Variants in TRPC5 observed in about 807,000 individuals in gnomAD.
TRPC5 encodes the protein short transient receptor potential channel 5.
TRPC5 carries 9 observed loss-of-function variants against 56.5 expected under a neutral mutation model. The ratio of observed to expected loss-of-function variants is 0.16; its 90% CI spans 0.10 to 0.28. The LOEUF is 0.28. Among genes scored for constraint, TRPC5 ranks in the 10% least tolerant of loss-of-function variants. TRPC5 has a pLI of 1.00. For synonymous variants in TRPC5, 282 were observed against 278.5 expected (o/e 1.01, Z -0.13); for missense variants, 469 against 748.9 (o/e 0.63, Z 4.36).
rs1433116513 is a variant in TRPC5 at position 111,773,295 on chromosome X, A to G, written c.*3018T>C. Among the ~76,000 whole-genome samples, 1 of 112,323 alleles carries G rather than the reference A, an allele frequency of 8.9e-6. No homozygotes were observed. The highest frequency in any genetic ancestry group is 3.2e-5 in the African/African-American group (1 of 30,916). Reference sequence around the variant, plus strand: ...AAGTGGAGATATTTCAACAATGGTCACTTTCTAATATAATTCAAATATTTT... The same window carrying G: ...AAGTGGAGATATTTCAACAATGGTCGCTTTCTAATATAATTCAAATATTTT... On this transcript the variant is annotated 3_prime_UTR_variant, in exon 11 of 11. Coordinates refer to ENST00000262839, the MANE Select transcript of TRPC5 (RefSeq NM_012471.3).
intron 1 of TRPC5, among the ~76,000 whole-genome samples, chrX:112,068,151 A>G (rs1443928159): frequency 8.9e-6 from 1 of 111,971 alleles, no homozygotes; most frequent in East Asian, 2.8e-4. Context: ...AAATGGGTAG[A>G]GATGGGCTGC....
Position 111,776,981 on chromosome X carries a change from T to C in TRPC5, c.2254A>G (p.Ser752Gly). Residue 752 changes from serine to glycine, a missense_variant, in exon 11 of 11, where the codon AGC (serine) becomes GGC (glycine). By Grantham distance (56) the Ser-to-Gly change is moderately conservative. Around this residue, in one of 3 missense-constraint regions of TRPC5, gnomAD observed 194 missense variants for 221.8 expected, o/e 0.87. Coordinates refer to ENST00000262839, the MANE Select transcript of TRPC5 (RefSeq NM_012471.3). ...AGGTCAAGCACTTCATACCGAAAGC[T>C]GGAGATGTCTTGCTTTAATTCCTGG... ...NFKELKQDISSFRYEVLDLLG... is the reference protein window; with the variant it reads ...NFKELKQDISGFRYEVLDLLG... 2 of 1,144,611 alleles carry C rather than the reference T, an allele frequency of 1.7e-6. No homozygotes were observed. Among genetic ancestry groups the C allele is most frequent in the Non-Finnish European group, 2.3e-6 (2 of 863,869 alleles). 94.3% of individuals were successfully genotyped at this position (1,144,611 alleles called of 1,213,427 possible).
chrX:112,002,298 T>G (rs1928716666), intron 1 of TRPC5, among the ~76,000 whole-genome samples: 1 of 111,409 alleles, frequency 9.0e-6, no homozygotes. Flanking sequence ...TGGGTTCTAG[T>G]CACACTGGAA....
chrX:112,071,594 G>T (rs1289564589), intron 1 of TRPC5, among the ~76,000 whole-genome samples: 1 of 112,150 alleles, frequency 8.9e-6, no homozygotes, highest in Non-Finnish European at 1.9e-5. Flanking sequence ...CTCTGCCATT[G>T]TAGTAGGAAA....
At chrX:112,047,045 G>GC (rs745853917) in intron 1 of TRPC5, among the ~76,000 whole-genome samples, 3 of 111,744 alleles carry the variant, frequency 2.7e-5, no homozygotes, top group East Asian at 2.8e-4. Flanking sequence ...CTTTGTGAGG[G>GC]CAGGGACTCT....
At chrX:111,782,807 A>G (rs1299585797) in intron 7 of TRPC5, among the ~76,000 whole-genome samples, 1 of 1,536 alleles carries the variant, frequency 6.5e-4, no homozygotes. Context: ...ATTATAATCA[A>G]CACACACACA....
At chrX:111,988,822 C>T (rs1928278304) in intron 1 of TRPC5, among the ~76,000 whole-genome samples, 1 of 111,115 alleles carries the variant, frequency 9.0e-6, no homozygotes, top group Non-Finnish European at 1.9e-5. Flanking sequence ...CTCATATTCA[C>T]CAAAATATTT....
intron 1 of TRPC5, among the ~76,000 whole-genome samples, chrX:111,964,443 G>A (rs1377852203): frequency 8.9e-6 from 1 of 111,827 alleles, no homozygotes; most frequent in East Asian, 2.8e-4. Context: ...AGCAAGGCAG[G>A]CCAACATTCA....
intron 6 of TRPC5, among the ~76,000 whole-genome samples, chrX:111,837,709 T>C (rs1399457854): frequency 6.3e-5 from 7 of 110,841 alleles, no homozygotes; most frequent in Middle Eastern, 9.3e-3. Flanking sequence ...TGCTTGAGGA[T>C]AGAGTTTATT....
intron 7 of TRPC5, among the ~76,000 whole-genome samples, chrX:111,797,038 T>C (rs1921121877): frequency 8.9e-6 from 1 of 112,425 alleles, no homozygotes; most frequent in Non-Finnish European, 1.9e-5. Flanking sequence ...CTTACAATGT[T>C]GGCTTACAGT....
intron 3 of TRPC5, among the ~76,000 whole-genome samples, chrX:111,892,973 A>G (rs149350986): frequency 0.015 from 1,637 of 111,632 alleles, 25 homozygotes; most frequent in African/African-American, 0.051. Context: ...AACTAATGTA[A>G]TTCTCATAAC....
intron 7 of TRPC5, among the ~76,000 whole-genome samples, chrX:111,807,964 G>C (rs955106482): frequency 9.2e-6 from 1 of 108,836 alleles, no homozygotes; most frequent in Non-Finnish European, 1.9e-5. Context: ...CTCTGTGTGT[G>C]TGTGTGTGTG....
intron 7 of TRPC5, among the ~76,000 whole-genome samples, chrX:111,825,898 G>T (rs1313008747): frequency 8.9e-6 from 1 of 111,912 alleles, no homozygotes; most frequent in African/African-American, 3.2e-5. Flanking sequence ...GGAAGAAATA[G>T]TCTAGCTTCT....
At chrX:111,870,109 C>A (rs1406453964) in intron 3 of TRPC5, among the ~76,000 whole-genome samples, 1 of 111,983 alleles carries the variant, frequency 8.9e-6, no homozygotes, top group Non-Finnish European at 1.9e-5. Flanking sequence ...TGGGATAATT[C>A]TTTGAGAGGT....
intron 1 of TRPC5, among the ~76,000 whole-genome samples, chrX:111,959,588 G>A (rs924526113): frequency 2.7e-5 from 3 of 111,758 alleles, no homozygotes; most frequent in Non-Finnish European, 3.8e-5. Context: ...GGGTGAGGGC[G>A]ATGGGACATA....
rs189747506 is a variant in TRPC5, at chrX:111,781,247, C to A, written c.2101-41G>T. On this transcript the variant is annotated intron_variant, in intron 8 of 10. Transcript: ENST00000262839. Reference sequence around the variant, plus strand: ...GACAGAGATGTTACATCAGCAGTCTCCCAGCACCCTACCCACCCAAACATC... The same window carrying A: ...GACAGAGATGTTACATCAGCAGTCTACCAGCACCCTACCCACCCAAACATC... 16 of 1,115,448 alleles carry A rather than the reference C, an allele frequency of 1.4e-5. No individual in the cohort carries two copies. In the East Asian group the frequency reaches 4.8e-4, roughly 33 times the overall value. The allele number at this position is 1,115,448 out of a possible 1,213,427, so 91.9% of individuals were successfully genotyped here.
intron 7 of TRPC5, among the ~76,000 whole-genome samples, chrX:111,829,566 C>T (rs1922348142): frequency 8.9e-6 from 1 of 112,100 alleles, no homozygotes; most frequent in Non-Finnish European, 1.9e-5. Context: ...GACCACCTTG[C>T]TGTATGCAGC....
At chrX:111,891,284 A>G (rs6655089) in intron 3 of TRPC5, among the ~76,000 whole-genome samples, 1,708 of 111,894 alleles carry the variant, frequency 0.015, 29 homozygotes, top group African/African-American at 0.053. Context: ...TCTTTGAGGA[A>G]TTGCCACACT....
At chrX:111,905,813 G>A (rs1013766645) in intron 3 of TRPC5, among the ~76,000 whole-genome samples, 1 of 107,945 alleles carries the variant, frequency 9.3e-6, no homozygotes, top group African/African-American at 3.4e-5. Context: ...TACTCAGGAG[G>A]CTGAGGCAGG....
Sources: gnomAD v4.1 joint callset for allele counts (sites outside exome capture counted in the v4.1 genomes callset) on GRCh38, gnomAD v4.1.1 for gene constraint, gnomAD v4.1.1 regional missense constraint, MANE v1.5 for transcripts, NCBI Gene and HGNC (gene_info 2026-07-23, HGNC 2026-07-21) for gene names.